PTGER4: variants seen among roughly 807,000 people sequenced by gnomAD.
The protein encoded by PTGER4 is prostaglandin E receptor 4.
In PTGER4, 11 loss-of-function variants were observed where a neutral mutation model predicts 33.2. The observed-to-expected ratio is 0.33, with a 90% CI of 0.21 to 0.55. The LOEUF is 0.55. Among genes scored for constraint, PTGER4 ranks in the 20% least tolerant of loss-of-function variants. PTGER4 has a pLI of 0.92. For missense variants in PTGER4, 481 were observed against 650.2 expected (o/e 0.74, Z 2.83); for synonymous variants, 275 against 281.5 (o/e 0.98, Z 0.23).
the PTGER4 span, among the ~76,000 whole-genome samples, chr5:40,705,297 G>A: frequency 0.22 from 33,524 of 152,100 alleles, 4,379 homozygotes; most frequent in Admixed American, 0.37. Context: ...GCTGGACCCC[G>A]TCCTTACACC....
At position 40,681,965 on chromosome 5, in the gene PTGER4, GTC is replaced by G; in HGVS notation, c.867+106_867+107del. 1 of 1,353,454 alleles carries G rather than the reference GTC, an allele frequency of 7.4e-7. No individual in the cohort carries two copies. Among genetic ancestry groups the G allele is most frequent in the Admixed American group, 2.8e-5 (1 of 35,454 alleles). The allele number at this position is 1,353,454 out of a possible 1,614,324, so 83.8% of individuals were successfully genotyped here. On this transcript the variant is annotated intron_variant, in intron 2 of 2. Coordinates refer to ENST00000302472, the MANE Select transcript of PTGER4 (RefSeq NM_000958.3). The surrounding 1 kb of genome is among the most constrained non-coding windows in gnomAD (Gnocchi z 9.8). ...CCTCTGAGTCCTTGGCAGTGAACGT[GTC>G]GCCTTTAGGTCGGGGCTGGGATTCC...
Position 40,681,817 on chromosome 5 carries a change from T to C in PTGER4, c.824T>C (p.Ile275Thr), listed in dbSNP as rs1037103724. 1.9e-6 allele frequency: 3 copies of C among 1,581,842 alleles called. No individual in the cohort carries two copies. The East Asian group carries it at 7.1e-5, about 37-fold the overall frequency. Residue 275 changes from isoleucine (I) to threonine (T), a missense_variant, in exon 2 of 3, where the codon ATT becomes ACT. This residue lies in a region of PTGER4 where 174 missense variants were observed against 210.5 expected (regional missense o/e 0.83). Coordinates refer to ENST00000302472, the MANE Select transcript of PTGER4 (RefSeq NM_000958.3). The surrounding 1 kb of genome is among the most constrained non-coding windows in gnomAD (Gnocchi z 9.8). ...GAEIQMVILLIATSLVVLICS... is the reference protein window; with the variant it reads ...GAEIQMVILLTATSLVVLICS... ...GAGATCCAGATGGTCATCTTACTCA[T>C]TGCCACCTCCCTGGTGGTGCTCATC...
Position 40,693,664 on chromosome 5 carries a change from T to C in PTGER4, c.*1286T>C, listed in dbSNP as rs1741525624. On this transcript the variant is annotated 3_prime_UTR_variant, in exon 3 of 3. Transcript: ENST00000302472. ...TTGTAATTAAATTCTGAGCCTGATA[T>C]TGATATGGTTTTAAGAAGCAGTTGT... 3 of 981,542 alleles carry C rather than the reference T, an allele frequency of 3.1e-6. No homozygotes were observed. The highest frequency in any genetic ancestry group is 4.7e-5 in the South Asian group (1 of 21,220). The allele number at this position is 981,542 out of a possible 1,614,324, so 60.8% of individuals were successfully genotyped here. A position where few individuals can be genotyped will look rare whatever the true frequency, so the allele number is the denominator to read the frequency against.
At chr5:40,746,699 A>T in the PTGER4 span, 1 of 915,374 alleles carries the variant, frequency 1.1e-6, no homozygotes, top group South Asian at 1.9e-5. Context: ...TAGATTTTTA[A>T]ACATGAATTT....
downstream of PTGER4, among the ~76,000 whole-genome samples, chr5:40,697,351 C>T (rs941314776): frequency 7.9e-5 from 12 of 151,548 alleles, no homozygotes; most frequent in East Asian, 1.9e-4. Flanking sequence ...TTTGGAAGGC[C>T]GAGGCAGGCG....
At chr5:40,704,788 A>G in the PTGER4 span, among the ~76,000 whole-genome samples, 1 of 152,210 alleles carries the variant, frequency 6.6e-6, no homozygotes, top group Non-Finnish European at 1.5e-5. Context: ...GGTCTCTACA[A>G]TGAGAATTAC....
At chr5:40,695,647 G>A (rs1252166963), downstream of PTGER4, among the ~76,000 whole-genome samples, 1 of 152,200 alleles carries the variant, frequency 6.6e-6, no homozygotes, top group Non-Finnish European at 1.5e-5. Flanking sequence ...AGGAGGCGGA[G>A]GTTGCAGTGA....
At chr5:40,697,250 GAAAGAAAGAA>G (rs1741628849), downstream of PTGER4, among the ~76,000 whole-genome samples, 1 of 81,794 alleles carries the variant, frequency 1.2e-5, no homozygotes, top group Non-Finnish European at 2.9e-5. Context: ...AAGAAAGAAA[GAAAGAAAGAA>G]AGAAAGAAAG....
In PTGER4 at chr5:40,692,919, C is replaced by G; in HGVS notation, c.*541C>G. ...TAAAATTATCGCAACCCCTCTCCTTCCAGTATAACCAGCTGAAGTTGCAGA... is the reference window on the plus strand; with the variant it reads ...TAAAATTATCGCAACCCCTCTCCTTGCAGTATAACCAGCTGAAGTTGCAGA... On this transcript the variant is annotated 3_prime_UTR_variant, in exon 3 of 3. Transcript: ENST00000302472. 4.1e-6 allele frequency: 4 copies of G among 979,012 alleles called. No individual in the cohort carries two copies. The highest frequency in any genetic ancestry group is 3.6e-6 in the Non-Finnish European group (3 of 823,766). The allele number at this position is 979,012 out of a possible 1,614,324, so 60.6% of individuals were successfully genotyped here.
At chr5:40,704,315 G>C in the PTGER4 span, among the ~76,000 whole-genome samples, 1 of 152,086 alleles carries the variant, frequency 6.6e-6, no homozygotes, top group African/African-American at 2.4e-5. Context: ...CAATAAACTA[G>C]GTATTGAAGG....
At chr5:40,700,852 G>A in the PTGER4 span, among the ~76,000 whole-genome samples, 1 of 152,116 alleles carries the variant, frequency 6.6e-6, no homozygotes, top group Non-Finnish European at 1.5e-5. Flanking sequence ...AACTGAGCAA[G>A]AATCTACCAA....
chr5:40,723,864 CA>C, the PTGER4 span, among the ~76,000 whole-genome samples: 2 of 149,440 alleles, frequency 1.3e-5, no homozygotes, highest in Non-Finnish European at 1.5e-5. Context: ...GATTCCCTCT[CA>C]AAAAAAAACA....
chr5:40,706,612 C>T, the PTGER4 span, among the ~76,000 whole-genome samples: 2 of 151,760 alleles, frequency 1.3e-5, no homozygotes, highest in African/African-American at 4.8e-5. Flanking sequence ...TATAAAACTT[C>T]AGCACAAAGC....
chr5:40,703,014 C>T, the PTGER4 span, among the ~76,000 whole-genome samples: 7 of 152,252 alleles, frequency 4.6e-5, no homozygotes, highest in East Asian at 1.4e-3. Flanking sequence ...ACAGCTAAGG[C>T]AGTGTTAAGG....
At chr5:40,740,001 A>C in the PTGER4 span, among the ~76,000 whole-genome samples, 1 of 152,062 alleles carries the variant, frequency 6.6e-6, no homozygotes, top group Non-Finnish European at 1.5e-5. Context: ...TTGGCTTATA[A>C]GCCTTTTATT....
downstream of PTGER4, among the ~76,000 whole-genome samples, chr5:40,696,946 G>A (rs138008071): frequency 6.6e-3 from 737 of 111,496 alleles, 4 homozygotes; most frequent in African/African-American, 0.022. Flanking sequence ...AAGAAAGAAG[G>A]AAAGAGAGAA....
At chr5:40,686,346 G>A (rs1433914289) in intron 2 of PTGER4, among the ~76,000 whole-genome samples, 1 of 152,154 alleles carries the variant, frequency 6.6e-6, no homozygotes, top group African/African-American at 2.4e-5. Context: ...TTATTAAGTA[G>A]GAAGTACATG....
chr5:40,686,649 C>G (rs1741330058), intron 2 of PTGER4, among the ~76,000 whole-genome samples: 1 of 152,212 alleles, frequency 6.6e-6, no homozygotes, highest in South Asian at 2.1e-4. Context: ...ACATCTTCTT[C>G]TGAACTTATT....
chr5:40,726,550 CA>C, the PTGER4 span, among the ~76,000 whole-genome samples: 11 of 132,756 alleles, frequency 8.3e-5, no homozygotes, highest in Admixed American at 1.5e-4. Flanking sequence ...ATTTAAATGG[CA>C]AAAAAAAAAT....
Sources: allele counts gnomAD v4.1 joint callset (sites outside exome capture counted in the v4.1 genomes callset), GRCh38; gene constraint gnomAD v4.1.1; regional missense constraint gnomAD v4.1.1; non-coding constraint Gnocchi (gnomAD v3.1); transcripts MANE v1.5; gene names NCBI Gene and HGNC (gene_info 2026-07-23, HGNC 2026-07-21).